Variants in DHX38 observed in about 807,000 individuals in gnomAD.
DHX38 encodes DEAH-box helicase 38.
DHX38 carries 100 observed loss-of-function variants against 153.1 expected under a neutral mutation model. The observed-to-expected ratio is 0.65, with a 90% CI of 0.56 to 0.77. The LOEUF (loss-of-function observed/expected upper bound fraction) is 0.77. Ranked by LOEUF, DHX38 falls within the 30% of genes least tolerant of loss-of-function variation. The pLI is 0.00. For missense variants in DHX38, 1,440 were observed against 1,654.0 expected, an observed-to-expected ratio of 0.87 and a Z score of 2.24; for synonymous variants, 650 against 631.7, an observed-to-expected ratio of 1.03 and a Z score of -0.43.
chr16:72,098,897 G>C (rs745760368), intron 5 of DHX38, 30 bp from the exon 6 acceptor site: 1 of 1,614,074 alleles, frequency 6.2e-7, no homozygotes, highest in African/African-American at 1.3e-5. Flanking sequence ...CTCAGTGACA[G>C]TTTTGTGATG....
rs990010290 is a variant in DHX38, at chr16:72,099,655, C to T, written c.961-77C>T. The T allele has an allele frequency of 5.1e-6, 8 of 1,572,030 alleles. No individual in the cohort carries two copies. The South Asian group carries it at 7.0e-5, about 14-fold the overall frequency. The stretch of plus-strand genomic sequence containing the variant: ...GCAGTAGTGACTTCCTACCAAGCGT[C>T]CCTTCTTCTGTTGGCCATGTCTCGT... On this transcript the variant is annotated intron_variant, in intron 7 of 26. Coordinates refer to ENST00000268482, the MANE Select transcript of DHX38 (RefSeq NM_014003.4).
At position 72,109,581 on chromosome 16, in the gene DHX38, A is replaced by G; in HGVS notation, c.3477+71A>G. The stretch of plus-strand genomic sequence containing the variant: ...TCGGTGTTCCCTCCGCTTGGTATTG[A>G]AGACTTGCGGTCATCCAACCCACTT... On this transcript the variant is annotated intron_variant, in intron 25 of 26. Transcript: ENST00000268482. The G allele has an allele frequency of 5.6e-6, 8 of 1,439,128 alleles. No homozygotes were observed. In the South Asian group the frequency reaches 9.3e-5, roughly 17 times the overall value. 89.1% of individuals were successfully genotyped at this position (1,439,128 alleles called of 1,614,324 possible). A position where few individuals can be genotyped will look rare whatever the true frequency, so the allele number is the denominator to read the frequency against.
chr16:72,097,264 G>T, intron 3 of DHX38: 1 of 427,530 alleles, frequency 2.3e-6, no homozygotes, highest in South Asian at 3.7e-5. Flanking sequence ...GGAGATAATG[G>T]GTAAATATGT....
Position 72,111,001 on chromosome 16 carries a change from G to A in DHX38, c.3523G>A (p.Glu1175Lys), listed in dbSNP as rs770100144. ...AGAGGAAGCCTCTGCCATGGAGGAG[G>A]AGATGGCGCTGGCCGAGGAGCAGCT... is the stretch of plus-strand genomic sequence containing the variant. ...AKEEASAMEE[E>K]MALAEEQLRA... is the part of the protein sequence containing the mutation. The change falls in exon 26 of 27, where the codon GAG (glutamate) becomes AAG (lysine). Residue 1175 changes from glutamate (E) to lysine (K), a missense_variant. Physicochemically the swap from Glu to Lys is moderately conservative, Grantham distance 56 (BLOSUM62 1). Around this residue, in one of 6 missense-constraint regions of DHX38, gnomAD observed 543 missense variants for 717.9 expected, o/e 0.76. Transcript: ENST00000268482. The A allele has an allele frequency of 1.3e-6, 2 of 1,587,552 alleles. No individual in the cohort carries two copies. The highest frequency in any genetic ancestry group is 3.6e-5 in the Admixed American group (2 of 56,198).
intron 11 of DHX38, 100 bp from the exon 12 acceptor site, chr16:72,102,974 G>T: frequency 6.6e-7 from 1 of 1,510,722 alleles, no homozygotes; most frequent in Non-Finnish European, 8.9e-7. Flanking sequence ...GACTCTTGCC[G>T]AAGTCCTCAT....
Position 72,104,495 on chromosome 16 carries a change from C to T in DHX38, c.2020C>T (p.Arg674Trp), listed in dbSNP as rs778940669. ...LFGLLREVVA[R>W]RSDLKLIVTS... Reference sequence around the variant, plus strand: ...CCGCCTCTTCTCTCAGGTAGTGGCTCGGCGCTCAGACCTGAAGCTCATCGT... The same window carrying T: ...CCGCCTCTTCTCTCAGGTAGTGGCTTGGCGCTCAGACCTGAAGCTCATCGT... The change falls in exon 15 of 27, where the codon CGG becomes TGG. Residue 674 changes from arginine to tryptophan, a missense_variant. Arg to Trp is a moderately radical substitution (Grantham distance 101). Transcript: ENST00000268482. The surrounding 1 kb of genome is among the most constrained non-coding windows in gnomAD (Gnocchi z 4.5). 1.4e-5 allele frequency: 23 copies of T among 1,613,734 alleles called. No homozygotes were observed. The highest frequency in any genetic ancestry group is 6.7e-5 in the African/African-American group (5 of 74,894).
Position 72,096,994 on chromosome 16 carries a change from C to G in DHX38, c.496C>G (p.Arg166Gly). The G allele has an allele frequency of 6.2e-7, 1 of 1,613,746 alleles. No individual in the cohort carries two copies. Among genetic ancestry groups the G allele is most frequent in the Middle Eastern group, 1.6e-4 (1 of 6,062 alleles). Residue 166 changes from arginine (R) to glycine (G), a missense_variant, in exon 3 of 27, where the codon CGC becomes GGC. This residue lies in a region of DHX38 where 483 missense variants were observed against 465.1 expected (regional missense o/e 1.04). Coordinates refer to ENST00000268482, the MANE Select transcript of DHX38 (RefSeq NM_014003.4). Reference protein sequence around the residue: ...KEKSRDRDYDRKRDRDERDRS... With the variant: ...KEKSRDRDYDGKRDRDERDRS... ...GAAATCGCGGGATCGAGACTATGACCGCAAGAGGGACAGAGGTAAACTGTC... is the reference window on the plus strand; with the variant it reads ...GAAATCGCGGGATCGAGACTATGACGGCAAGAGGGACAGAGGTAAACTGTC...
At position 72,104,369 on chromosome 16, in the gene DHX38, GA is replaced by G. The variant is rs1273500529; in HGVS notation, c.2011-115del. On this transcript the variant is annotated intron_variant, in intron 14 of 26. Coordinates refer to ENST00000268482, the MANE Select transcript of DHX38 (RefSeq NM_014003.4). The surrounding 1 kb of genome is among the most constrained non-coding windows in gnomAD (Gnocchi z 4.5). ...TCAGTCTTCATGATTGGTAAGAATT[GA>G]ATAGGCCCATTTGTCAGCTTTGGCT... 1.8e-5 allele frequency: 26 copies of G among 1,413,840 alleles called. No homozygotes were observed. The highest frequency in any genetic ancestry group is 2.5e-5 in the Non-Finnish European group (26 of 1,050,500). The allele number at this position is 1,413,840 out of a possible 1,614,324, so 87.6% of individuals were successfully genotyped here. A position where few individuals can be genotyped will look rare whatever the true frequency, so the allele number is the denominator to read the frequency against.
At position 72,107,906 on chromosome 16, in the gene DHX38, G is replaced by T; in HGVS notation, c.2964+107G>T. ...AAATGGAACAGAGGGCAGAATCAGA[G>T]TTTCTGAAGAATGATTTTGCTGTTC... On this transcript the variant is annotated intron_variant, in intron 21 of 26. Coordinates refer to ENST00000268482, the MANE Select transcript of DHX38 (RefSeq NM_014003.4). This position sits in a 1 kb window ranked among gnomAD's most constrained non-coding sequence, Gnocchi z 5.3. 7.0e-7 allele frequency: 1 copy of T among 1,433,996 alleles called. No homozygotes were observed. Among genetic ancestry groups the T allele is most frequent in the Non-Finnish European group, 9.3e-7 (1 of 1,071,744 alleles). 88.8% of individuals were successfully genotyped at this position (1,433,996 alleles called of 1,614,324 possible).
chr16:72,111,199 C>A, intron 26 of DHX38, 122 bp downstream of exon 26: 1 of 1,379,714 alleles, frequency 7.2e-7, no homozygotes, highest in Non-Finnish European at 9.5e-7. Flanking sequence ...AAACTGGTGA[C>A]AGAAGTTGCT....
rs761037766 is a variant in DHX38, at chr16:72,098,947, C to T, written c.785C>T (p.Ser262Leu). The change falls in exon 6 of 27, where the codon TCG becomes TTG. Residue 262 changes from serine (S) to leucine (L), a missense_variant. Coordinates refer to ENST00000268482, the MANE Select transcript of DHX38 (RefSeq NM_014003.4). ...CCCAGGTCTGTGAGGGGCAAGTACT[C>T]GGATGACACGCCTCTGCCAACTCCC... ...DRDRSVRGKY[S>L]DDTPLPTPSY... 1.4e-5 allele frequency: 23 copies of T among 1,614,146 alleles called. 1 individual carries two copies. Among genetic ancestry groups the T allele is most frequent in the Middle Eastern group, 1.7e-4 (1 of 6,014 alleles).
chr16:72,100,924 C>T (rs1313926443), intron 9 of DHX38, among the ~76,000 whole-genome samples, 162 bp from the exon 10 acceptor site: 1 of 152,092 alleles, frequency 6.6e-6, no homozygotes, highest in Non-Finnish European at 1.5e-5. Flanking sequence ...AAGACTCTGT[C>T]TCACACACAA....
At chr16:72,099,584 T>C (rs999660735) in intron 7 of DHX38, 148 bp from the exon 8 acceptor site, 94 of 1,071,250 alleles carry the variant, frequency 8.8e-5, no homozygotes, top group Non-Finnish European at 1.0e-4. Flanking sequence ...ATGGCATGTG[T>C]CTGCAGGGAG....
At chr16:72,103,253 G>A in intron 12 of DHX38, 42 bp downstream of exon 12, 1 of 1,597,824 alleles carries the variant, frequency 6.3e-7, no homozygotes, top group East Asian at 2.2e-5. Context: ...TCAAGTCAGG[G>A]GTGCCCTTGG....
In DHX38 at chr16:72,099,866, T is replaced by C. The variant is rs1193623229; in HGVS notation, c.1095T>C (p.Ala365=). The C allele has an allele frequency of 1.2e-5, 19 of 1,609,544 alleles. No individual in the cohort carries two copies. Among genetic ancestry groups the C allele is most frequent in the Non-Finnish European group, 1.6e-5 (19 of 1,177,860 alleles). ...LHKQKQKRIS[A]QRRQINEDNE... Reference sequence around the variant, plus strand: ...AACAGAAGCAGAAGCGCATTTCAGCTCAGCGGAGACAGATCAATGAGGTGA... The same window carrying C: ...AACAGAAGCAGAAGCGCATTTCAGCCCAGCGGAGACAGATCAATGAGGTGA... Residue 365 remains alanine (A), a synonymous_variant, in exon 8 of 27, where the codon GCT becomes GCC. Transcript: ENST00000268482.
chr16:72,112,393 C>G lies in DHX38; in HGVS notation c.3600-20C>G. Reference sequence around the variant, plus strand: ...GGGTGAGGGCACGGTGTTTCCTGATCTCTCCTGCTGTGTCTCCAGGTCTAC... The same window carrying G: ...GGGTGAGGGCACGGTGTTTCCTGATGTCTCCTGCTGTGTCTCCAGGTCTAC... On this transcript the variant is annotated intron_variant, in intron 26 of 26. Transcript: ENST00000268482. 3 of 1,605,150 alleles carry G rather than the reference C, an allele frequency of 1.9e-6. No individual in the cohort carries two copies. Among genetic ancestry groups the G allele is most frequent in the Non-Finnish European group, 1.7e-6 (2 of 1,179,278 alleles).
At chr16:72,099,128 A>G in intron 6 of DHX38, 76 bp from the exon 7 acceptor site, 3 of 1,595,206 alleles carry the variant, frequency 1.9e-6, no homozygotes, top group Admixed American at 3.4e-5. Context: ...CTGGAGCTGC[A>G]TGGCCCTGCA....
In DHX38 at chr16:72,109,459, G is replaced by C; in HGVS notation, c.3426G>C (p.Ala1142=). The C allele has an allele frequency of 6.2e-7, 1 of 1,613,062 alleles. No homozygotes were observed. Among genetic ancestry groups the C allele is most frequent in the South Asian group, 1.1e-5 (1 of 90,970 alleles). ...CCGCTGTGGACGGGGAGTGGCTGGC[G>C]GAGCTGGGCCCCATGTTCTATAGCG... ...CVTAVDGEWL[A]ELGPMFYSVK... The change falls in exon 25 of 27, where the codon GCG becomes GCC. Residue 1142 remains alanine, a synonymous_variant. Transcript: ENST00000268482.
chr16:72,097,699 C>T lies in DHX38; in HGVS notation c.534C>T (p.His178=). ...RDRDERDRSR[H]SSRSERDGGS... ...TAGATGAGCGGGATAGAAGTAGGCA[C>T]AGCAGCAGATCAGAGCGAGATGGAG... Residue 178 remains histidine (H), a synonymous_variant, in exon 4 of 27, where the codon CAC becomes CAT. Coordinates refer to ENST00000268482, the MANE Select transcript of DHX38 (RefSeq NM_014003.4). 6.2e-7 allele frequency: 1 copy of T among 1,614,106 alleles called. No individual in the cohort carries two copies. The highest frequency in any genetic ancestry group is 8.5e-7 in the Non-Finnish European group (1 of 1,179,990).
Sources: gnomAD v4.1 joint callset for allele counts (sites outside exome capture counted in the v4.1 genomes callset) on GRCh38, gnomAD v4.1.1 for gene constraint, gnomAD v4.1.1 regional missense constraint, Gnocchi (gnomAD v3.1) non-coding constraint, MANE v1.5 for transcripts, NCBI Gene and HGNC (gene_info 2026-07-23, HGNC 2026-07-21) for gene names.